Variants in ASIC2 observed in about 807,000 individuals in gnomAD.
ASIC2 encodes acid sensing ion channel subunit 2.
In ASIC2, 25 loss-of-function variants were observed where a neutral mutation model predicts 57.3. That is an observed-to-expected ratio of 0.44 (90% CI 0.32 to 0.61). ASIC2 has a LOEUF of 0.61. Ranked by LOEUF, ASIC2 falls within the 20% of genes least tolerant of loss-of-function variation. ASIC2 has a pLI of 0.06. For missense variants in ASIC2, 641 were observed against 738.1 expected (o/e 0.87, Z 1.52); for synonymous variants, 319 against 307.5 (o/e 1.04, Z -0.39).
chr17:33,943,493 C>T (rs541398714), intron 1 of ASIC2, among the ~76,000 whole-genome samples: 2 of 152,232 alleles, frequency 1.3e-5, no homozygotes, highest in South Asian at 4.1e-4. Context: ...AACAACCTTG[C>T]CCAGTAAGAG....
chr17:33,674,987 G>GA (rs1907770287), intron 1 of ASIC2, among the ~76,000 whole-genome samples: 2 of 152,102 alleles, frequency 1.3e-5, no homozygotes, highest in Non-Finnish European at 2.9e-5. Context: ...GGATTTGGGG[G>GA]AAACCGAATC....
chr17:33,107,434 C>A (rs1488432550), intron 2 of ASIC2, among the ~76,000 whole-genome samples: 1 of 152,160 alleles, frequency 6.6e-6, no homozygotes, highest in Non-Finnish European at 1.5e-5. Context: ...TCTTTTTGGG[C>A]CCTGCATCCT....
intron 1 of ASIC2, among the ~76,000 whole-genome samples, chr17:33,712,635 G>GTTTTTTTTTTTTTTTTTTTTTTTT (rs1567695931): frequency 8.1e-6 from 1 of 123,320 alleles, no homozygotes; most frequent in African/African-American, 3.2e-5. Flanking sequence ...TACTCATATG[G>GTTTTTTTTTTTTTTTTTTTTTTTT]CTTTTTTTTT....
intron 1 of ASIC2, among the ~76,000 whole-genome samples, chr17:33,715,770 C>T (rs1306014568): frequency 6.6e-6 from 1 of 152,136 alleles, no homozygotes; most frequent in African/African-American, 2.4e-5. Flanking sequence ...TAACATCTCC[C>T]TGTAGTCAAA....
chr17:33,566,907 CT>C (rs1916251305), intron 1 of ASIC2, among the ~76,000 whole-genome samples: 1 of 152,118 alleles, frequency 6.6e-6, no homozygotes, highest in African/African-American at 2.4e-5. Flanking sequence ...CCATATCTTC[CT>C]GCCTTGGTTT....
At chr17:33,141,804 T>C (rs576435604) in intron 1 of ASIC2, among the ~76,000 whole-genome samples, 36 of 152,336 alleles carry the variant, frequency 2.4e-4, no homozygotes, top group African/African-American at 8.7e-4. Context: ...TGCTGTTAAC[T>C]CATCATGTTT....
chr17:34,015,994 T>G (rs776328184), intron 1 of ASIC2, among the ~76,000 whole-genome samples: 7 of 152,238 alleles, frequency 4.6e-5, no homozygotes, highest in Non-Finnish European at 8.8e-5. Flanking sequence ...CTTTTTATAT[T>G]GGACTGTCAA....
intron 1 of ASIC2, among the ~76,000 whole-genome samples, chr17:33,663,647 C>G (rs1215824967): frequency 6.6e-6 from 1 of 151,992 alleles, no homozygotes; most frequent in Non-Finnish European, 1.5e-5. Flanking sequence ...TATGTAAGTA[C>G]CATGTGGTAG....
intron 1 of ASIC2, among the ~76,000 whole-genome samples, chr17:33,526,236 TTAAG>T (rs370900498): frequency 7.2e-5 from 11 of 152,152 alleles, no homozygotes; most frequent in African/African-American, 2.7e-4. Flanking sequence ...AGAATTCCCA[TTAAG>T]TGAGATCTCT....
intron 1 of ASIC2, among the ~76,000 whole-genome samples, chr17:34,099,457 A>C (rs200289643): frequency 2.4e-5 from 1 of 42,090 alleles, no homozygotes. Flanking sequence ...AAGAAAGAAA[A>C]GAAAGAAAGA....
At chr17:33,546,146 TA>T (rs1915570207) in intron 1 of ASIC2, among the ~76,000 whole-genome samples, 1 of 150,010 alleles carries the variant, frequency 6.7e-6, no homozygotes, top group African/African-American at 2.4e-5. Flanking sequence ...CACATATGTA[TA>T]TGTAAATATA....
intron 1 of ASIC2, among the ~76,000 whole-genome samples, chr17:33,937,539 A>G (rs1440668400): frequency 6.6e-6 from 1 of 152,080 alleles, no homozygotes; most frequent in Non-Finnish European, 1.5e-5. Flanking sequence ...ATTTCATAGC[A>G]TGCCTTCCTT....
intron 1 of ASIC2, among the ~76,000 whole-genome samples, chr17:33,460,429 G>A (rs926760010): frequency 6.6e-6 from 1 of 152,146 alleles, no homozygotes; most frequent in African/African-American, 2.4e-5. Context: ...TCCTGAGGAT[G>A]AGCCTGGCAC....
intron 1 of ASIC2, among the ~76,000 whole-genome samples, chr17:33,359,832 A>C (rs1908528513): frequency 6.6e-6 from 1 of 152,186 alleles, no homozygotes; most frequent in Non-Finnish European, 1.5e-5. Context: ...TTGAGAAAGG[A>C]AGTACATGCT....
chr17:33,903,012 A>C (rs1209649063), intron 1 of ASIC2, among the ~76,000 whole-genome samples: 1 of 152,166 alleles, frequency 6.6e-6, no homozygotes, highest in Non-Finnish European at 1.5e-5. Flanking sequence ...GAAGAGAGGA[A>C]ATCCTCAACA....
intron 1 of ASIC2, among the ~76,000 whole-genome samples, chr17:34,134,605 G>A (rs913563099): frequency 2.0e-5 from 3 of 152,192 alleles, no homozygotes; most frequent in African/African-American, 4.8e-5. Flanking sequence ...GGGAGACTTT[G>A]CCCTGAGTCC....
At chr17:33,538,828 G>T (rs1915317835) in intron 1 of ASIC2, among the ~76,000 whole-genome samples, 1 of 152,192 alleles carries the variant, frequency 6.6e-6, no homozygotes, top group African/African-American at 2.4e-5. Flanking sequence ...GATACTTGGA[G>T]GCTCAGGTAG....
At chr17:33,218,639 T>A (rs1036735699) in intron 1 of ASIC2, among the ~76,000 whole-genome samples, 6 of 137,336 alleles carry the variant, frequency 4.4e-5, no homozygotes, top group African/African-American at 1.6e-4. Context: ...GGGGTGGGGG[T>A]GGGAGCAGGA....
intron 1 of ASIC2, among the ~76,000 whole-genome samples, chr17:34,139,258 T>A (rs142733592): frequency 6.6e-6 from 1 of 152,328 alleles, no homozygotes; most frequent in East Asian, 1.9e-4. Context: ...AATTCTCAGT[T>A]TGGACCTGAA....
Sources: allele counts gnomAD v4.1 joint callset (sites outside exome capture counted in the v4.1 genomes callset), GRCh38; gene constraint gnomAD v4.1.1; transcripts MANE v1.5; gene names NCBI Gene and HGNC (gene_info 2026-07-23, HGNC 2026-07-21).